TUBA8: variants seen among roughly 807,000 people sequenced by gnomAD.
TUBA8 encodes tubulin alpha 8.
A neutral mutation model predicts 34.7 loss-of-function variants in TUBA8; 29 were observed. That is an observed-to-expected ratio of 0.84 (90% CI 0.62 to 1.14). TUBA8 has a LOEUF of 1.14. Ranked by LOEUF, TUBA8 falls within the 50% of genes most tolerant of loss-of-function variation. The pLI is 0.00. For missense variants in TUBA8, 541 were observed against 599.2 expected (o/e 0.90, Z 1.01); for synonymous variants, 226 against 231.2 (o/e 0.98, Z 0.21).
rs752119060 is a variant in TUBA8, at chr22:18,126,623, G to T, written c.645G>T (p.Arg215Ser). 1 of 1,614,062 alleles carries T rather than the reference G, an allele frequency of 6.2e-7. No individual in the cohort carries two copies. Among genetic ancestry groups the T allele is most frequent in the Non-Finnish European group, 8.5e-7 (1 of 1,180,030 alleles). Residue 215 changes from arginine to serine, a missense_variant, in exon 4 of 5, where the codon AGG becomes AGT. Arg to Ser is a moderately radical substitution (Grantham distance 110). Coordinates refer to ENST00000330423, the MANE Select transcript of TUBA8 (RefSeq NM_018943.3). This position sits in a 1 kb window ranked among gnomAD's most constrained non-coding sequence, Gnocchi z 4.0. ...AAGCCATCTATGACATCTGCCGCAG[G>T]AACCTTGACATTGAGCGCCCTACCT... ...DNEAIYDICR[R>S]NLDIERPTYT...
In TUBA8 at chr22:18,126,881, G is replaced by C; in HGVS notation, c.903G>C (p.Gln301His). Residue 301 changes from glutamine to histidine, a missense_variant, in exon 4 of 5, where the codon CAG becomes CAC. Physicochemically the swap from Gln to His is conservative, Grantham distance 24 (BLOSUM62 0). Transcript: ENST00000330423. This position sits in a 1 kb window ranked among gnomAD's most constrained non-coding sequence, Gnocchi z 4.0. ...GCTCCTGCTTTGAGCCCAACAGCCA[G>C]ATGGTGAAGTGCGACCCGAGACATG... ...ITSSCFEPNS[Q>H]MVKCDPRHGK... 6.2e-7 allele frequency: 1 copy of C among 1,611,972 alleles called. No homozygotes were observed. Among genetic ancestry groups the C allele is most frequent in the Non-Finnish European group, 8.5e-7 (1 of 1,178,762 alleles).
chr22:18,130,938 T>G lies in TUBA8; in HGVS notation c.1152T>G (p.Ile384Met), dbSNP rs750028625. 2 of 1,613,990 alleles carry G rather than the reference T, an allele frequency of 1.2e-6. No individual in the cohort carries two copies. Among genetic ancestry groups the G allele is most frequent in the African/African-American group, 2.7e-5 (2 of 74,898 alleles). ...AVCMLSNTTA[I>M]AEAWARLDHK... Reference sequence around the variant, plus strand: ...GCATGCTCAGCAACACCACGGCCATTGCGGAGGCCTGGGCCCGCCTCGACC... The same window carrying G: ...GCATGCTCAGCAACACCACGGCCATGGCGGAGGCCTGGGCCCGCCTCGACC... Residue 384 changes from isoleucine (I) to methionine (M), a missense_variant, in exon 5 of 5, where the codon ATT becomes ATG. Physicochemically the swap from Ile to Met is conservative, Grantham distance 10 (BLOSUM62 1). Coordinates refer to ENST00000330423, the MANE Select transcript of TUBA8 (RefSeq NM_018943.3).
intron 3 of TUBA8, chr22:18,125,533 A>AG (rs2123704484): frequency 6.7e-6 from 1 of 149,556 alleles, no homozygotes; most frequent in East Asian, 1.9e-4. Context: ...AAAAAAAAAA[A>AG]AGGAACAGAA....
At position 18,110,872 on chromosome 22, in the gene TUBA8, A is replaced by T. The variant is rs1927780479; in HGVS notation, c.3+4A>T. The T allele has an allele frequency of 1.9e-6, 3 of 1,547,838 alleles. No individual in the cohort carries two copies. Among genetic ancestry groups the T allele is most frequent in the Non-Finnish European group, 2.6e-6 (3 of 1,153,414 alleles). On this transcript the variant is annotated splice_donor_region_variant and intron_variant, in intron 1 of 4. Transcript: ENST00000330423. The surrounding 1 kb of genome is among the most constrained non-coding windows in gnomAD (Gnocchi z 6.2). ...GGCGAGGACAGCGGCAGCGATGGTG[A>T]GGCTTCCCGGGGCCAGGCGGGCTGC...
chr22:18,121,971 A>G lies in TUBA8; in HGVS notation c.226+270A>G. 2.0e-6 allele frequency: 1 copy of G among 488,932 alleles called. No individual in the cohort carries two copies. The highest frequency in any genetic ancestry group is 3.7e-6 in the Non-Finnish European group (1 of 269,668). 30.3% of individuals were successfully genotyped at this position (488,932 alleles called of 1,614,324 possible). On this transcript the variant is annotated intron_variant, in intron 2 of 4. Transcript: ENST00000330423. The surrounding 1 kb of genome is among the most constrained non-coding windows in gnomAD (Gnocchi z 4.8). ...AGGTCAAAATGGTCACATCGCTACT[A>G]AATACTAAGGATAAGAAAATCCAAA...
chr22:18,112,617 G>C (rs1055022649), intron 1 of TUBA8: 1 of 152,200 alleles, frequency 6.6e-6, no homozygotes, highest in Non-Finnish European at 1.5e-5. Context: ...ACAATGCCTG[G>C]TAAATCAACA....
Position 18,124,402 on chromosome 22 carries a change from T to A in TUBA8, c.375+98T>A, listed in dbSNP as rs1928255197. On this transcript the variant is annotated intron_variant, in intron 3 of 4. Transcript: ENST00000330423. The surrounding 1 kb of genome is among the most constrained non-coding windows in gnomAD (Gnocchi z 4.3). ...AGGCTAGGGAGAGGCATCTGACCCC[T>A]GGCTATAGGATGGAGCTCCTAAGGT... 4.3e-6 allele frequency: 6 copies of A among 1,399,240 alleles called. No individual in the cohort carries two copies. Among genetic ancestry groups the A allele is most frequent in the African/African-American group, 2.9e-5 (2 of 69,838 alleles). 86.7% of individuals were successfully genotyped at this position (1,399,240 alleles called of 1,614,324 possible).
At chr22:18,116,688 T>C (rs1244705012) in intron 1 of TUBA8, 2 of 152,246 alleles carry the variant, frequency 1.3e-5, no homozygotes, top group Non-Finnish European at 2.9e-5. Flanking sequence ...TGCCTTTTCT[T>C]AGACGTGAGG....
rs550877149 is a variant in TUBA8, at chr22:18,131,673, C to T, written c.*537C>T. On this transcript the variant is annotated 3_prime_UTR_variant, in exon 5 of 5. Coordinates refer to ENST00000330423, the MANE Select transcript of TUBA8 (RefSeq NM_018943.3). The surrounding 1 kb of genome is among the most constrained non-coding windows in gnomAD (Gnocchi z 5.3). ...TGAGAGCTGGAGAGTTGGTGATAAG[C>T]GAGACGAACACATTTCCTGCCCTCA... 5 of 170,732 alleles carry T rather than the reference C, an allele frequency of 2.9e-5. No homozygotes were observed. Among genetic ancestry groups the T allele is most frequent in the Admixed American group, 5.6e-5 (1 of 18,004 alleles). The allele number at this position is 170,732 out of a possible 1,614,324, so 10.6% of individuals were successfully genotyped here. A position where few individuals can be genotyped will look rare whatever the true frequency, so the allele number is the denominator to read the frequency against.
At chr22:18,130,419 T>TC (rs1928457500) in intron 4 of TUBA8, 1 of 173,378 alleles carries the variant, frequency 5.8e-6, no homozygotes, top group Admixed American at 5.9e-5. Context: ...CCCATCTACT[T>TC]TTTTTTTTGT....
In TUBA8 at chr22:18,126,979, C is replaced by A; in HGVS notation, c.1001C>A (p.Ala334Asp). The A allele has an allele frequency of 6.2e-7, 1 of 1,613,814 alleles. No individual in the cohort carries two copies. The highest frequency in any genetic ancestry group is 8.5e-7 in the Non-Finnish European group (1 of 1,179,876). Residue 334 changes from alanine to aspartate, a missense_variant, in exon 4 of 5, where the codon GCC (alanine) becomes GAC (aspartate). Ala to Asp is a moderately radical substitution (Grantham distance 126). Transcript: ENST00000330423. This position sits in a 1 kb window ranked among gnomAD's most constrained non-coding sequence, Gnocchi z 4.0. ...AAGGATGTGAATGTCGCTATTGCTG[C>A]CATCAAGACCAAGAGGACCATCCAG... ...VPKDVNVAIA[A>D]IKTKRTIQFV...
intron 1 of TUBA8, chr22:18,117,383 TTCAG>T (rs1928005223): frequency 6.6e-6 from 1 of 152,498 alleles, no homozygotes. Context: ...CAAACAAGAA[TTCAG>T]TCAGAGTCCC....
Position 18,121,471 on chromosome 22 carries a change from C to A in TUBA8, c.4-8C>A, listed in dbSNP as rs201584343. 1.2e-6 allele frequency: 2 copies of A among 1,612,504 alleles called. No individual in the cohort carries two copies. The highest frequency in any genetic ancestry group is 1.7e-6 in the Non-Finnish European group (2 of 1,178,466). On this transcript the variant is annotated splice_polypyrimidine_tract_variant and splice_region_variant and intron_variant, in intron 1 of 4. Transcript: ENST00000330423. This position sits in a 1 kb window ranked among gnomAD's most constrained non-coding sequence, Gnocchi z 4.8. ...CTCTCTGACCTCGTTGCTTCCCTCTCCCCACAGCGGGAATGCATATCAGTC... is the reference window on the plus strand; with the variant it reads ...CTCTCTGACCTCGTTGCTTCCCTCTACCCACAGCGGGAATGCATATCAGTC...
chr22:18,112,894 A>T (rs1304742134), intron 1 of TUBA8: 1 of 152,172 alleles, frequency 6.6e-6, no homozygotes, highest in Non-Finnish European at 1.5e-5. Context: ...ACATCTATAA[A>T]CCTAGACCCC....
In TUBA8 at chr22:18,131,009, A is replaced by G. The variant is rs755337845; in HGVS notation, c.1223A>G (p.Tyr408Cys). ...GCCAAGCGGGCCTTTGTGCATTGGT[A>G]TGTGGGAGAGGGGATGGAAGAAGGA... ...MYAKRAFVHWYVGEGMEEGEF... is the reference protein window; with the variant it reads ...MYAKRAFVHWCVGEGMEEGEF... Residue 408 changes from tyrosine (Y) to cysteine (C), a missense_variant, in exon 5 of 5, where the codon TAT becomes TGT. Transcript: ENST00000330423. The surrounding 1 kb of genome is among the most constrained non-coding windows in gnomAD (Gnocchi z 5.3). 1 of 1,614,152 alleles carries G rather than the reference A, an allele frequency of 6.2e-7. No homozygotes were observed. The highest frequency in any genetic ancestry group is 8.5e-7 in the Non-Finnish European group (1 of 1,180,032).
At chr22:18,122,053 C>T (rs1377564834) in intron 2 of TUBA8, 1 of 262,590 alleles carries the variant, frequency 3.8e-6, no homozygotes, top group Non-Finnish European at 7.4e-6. Flanking sequence ...GTATAGGTTT[C>T]TGAGTCTGCC....
In TUBA8 at chr22:18,126,686, C is replaced by T. The variant is rs745406393; in HGVS notation, c.708C>T (p.Ser236=). 1.2e-6 allele frequency: 2 copies of T among 1,614,174 alleles called. No individual in the cohort carries two copies. The highest frequency in any genetic ancestry group is 1.7e-6 in the Non-Finnish European group (2 of 1,180,040). ...ACCGCCTCATCAGTCAGATTGTGTC[C>T]TCAATCACTGCTTCTCTCCGCTTTG... ...NLNRLISQIV[S]SITASLRFDG... Residue 236 remains serine, a synonymous_variant, in exon 4 of 5, where the codon TCC becomes TCT. Coordinates refer to ENST00000330423, the MANE Select transcript of TUBA8 (RefSeq NM_018943.3). The surrounding 1 kb of genome is among the most constrained non-coding windows in gnomAD (Gnocchi z 4.0).
At position 18,130,902 on chromosome 22, in the gene TUBA8, G is replaced by A; in HGVS notation, c.1116G>A (p.Gln372=). 6.2e-7 allele frequency: 1 copy of A among 1,614,152 alleles called. No individual in the cohort carries two copies. Among genetic ancestry groups the A allele is most frequent in the Middle Eastern group, 1.7e-4 (1 of 6,042 alleles). ...CCGGGGGAGACCTGGCCAAGGTGCA[G>A]CGGGCCGTCTGCATGCTCAGCAACA... ...VVPGGDLAKV[Q]RAVCMLSNTT... The change falls in exon 5 of 5, where the codon CAG becomes CAA. Residue 372 remains glutamine (Q), a synonymous_variant. Coordinates refer to ENST00000330423, the MANE Select transcript of TUBA8 (RefSeq NM_018943.3).
At chr22:18,114,974 A>T (rs539006474) in intron 1 of TUBA8, 2 of 148,804 alleles carry the variant, frequency 1.3e-5, no homozygotes, top group African/African-American at 4.9e-5. Context: ...AGAATGATGT[A>T]AAAAAAAAAG....
Sources: allele counts gnomAD v4.1 joint callset, GRCh38; gene constraint gnomAD v4.1.1; non-coding constraint Gnocchi (gnomAD v3.1); transcripts MANE v1.5; gene names NCBI Gene and HGNC (gene_info 2026-07-23, HGNC 2026-07-21).